The following AVEN variants were observed in gnomAD, a reference collection of about 807,000 sequenced individuals.
The protein encoded by AVEN is apoptosis and caspase activation inhibitor.
Under a neutral mutation model 38.1 loss-of-function variants are expected in AVEN, and 41 were observed. That is an observed-to-expected ratio of 1.08 (90% confidence interval 0.84 to 1.40). The LOEUF (loss-of-function observed/expected upper bound fraction) is 1.40. Ranked by LOEUF, AVEN falls within the 40% of genes most tolerant of loss-of-function variation. The pLI is 0.00. For missense variants in AVEN, 605 were observed against 438.8 expected (o/e 1.38, Z -3.38); for synonymous variants, 206 against 171.8 (o/e 1.20, Z -1.56).
chr15:34,006,725 A>G (rs1014484453), intron 1 of AVEN, among the ~76,000 whole-genome samples: 1 of 152,178 alleles, frequency 6.6e-6, no homozygotes, highest in Admixed American at 6.5e-5. Context: ...GGATCTCATT[A>G]CCCCTACACA....
downstream of AVEN, chr15:33,854,941 T>C (rs773211116): frequency 1.3e-6 from 2 of 1,590,722 alleles, no homozygotes; most frequent in Middle Eastern, 1.7e-4. Flanking sequence ...CAGAACAGAA[T>C]GGACCTGTAT....
intron 2 of AVEN, among the ~76,000 whole-genome samples, chr15:33,951,350 C>A (rs746047658): frequency 2.6e-5 from 4 of 151,452 alleles, no homozygotes; most frequent in Non-Finnish European, 4.4e-5. Flanking sequence ...ACATTATTCC[C>A]AGAACCAAAA....
chr15:34,031,227 T>C (rs749877847), intron 1 of AVEN, among the ~76,000 whole-genome samples: 14 of 127,274 alleles, frequency 1.1e-4, no homozygotes, highest in Middle Eastern at 5.6e-3. Flanking sequence ...CAGGCTGGAA[T>C]GCAATGGCGC....
At chr15:34,054,551 T>C (rs1900056121) in intron 5 of AVEN, among the ~76,000 whole-genome samples, 1 of 152,116 alleles carries the variant, frequency 6.6e-6, no homozygotes, top group South Asian at 2.1e-4. Flanking sequence ...TTGGAAGCTA[T>C]TACCCTGAGC....
chr15:33,905,936 T>C (rs1434781998), intron 2 of AVEN, among the ~76,000 whole-genome samples: 1 of 152,194 alleles, frequency 6.6e-6, no homozygotes, highest in Non-Finnish European at 1.5e-5. Context: ...CCTACTGTCT[T>C]CCCTATATTT....
intron 2 of AVEN, among the ~76,000 whole-genome samples, chr15:34,068,273 C>T (rs182405742): frequency 5.9e-5 from 9 of 151,472 alleles, no homozygotes; most frequent in Admixed American, 5.3e-4. Flanking sequence ...ACTCTGTCAT[C>T]CAGGCTGGAG....
intron 5 of AVEN, chr15:34,062,635 T>C: frequency 1.5e-6 from 2 of 1,310,958 alleles, no homozygotes; most frequent in Non-Finnish European, 2.1e-6. Flanking sequence ...TGTTTCCCTC[T>C]CTTCCAGATG....
At chr15:34,048,206 A>C (rs534038891) in intron 5 of AVEN, among the ~76,000 whole-genome samples, 10 of 152,318 alleles carry the variant, frequency 6.6e-5, no homozygotes, top group Non-Finnish European at 1.3e-4. Flanking sequence ...ACCCGGATCC[A>C]TTCCTCCTCA....
intron 2 of AVEN, among the ~76,000 whole-genome samples, chr15:33,975,363 C>T (rs540574975): frequency 7.2e-5 from 11 of 152,254 alleles, no homozygotes; most frequent in Admixed American, 4.6e-4. Context: ...GCACAGGTTG[C>T]GAAACAGTGC....
chr15:34,048,171 C>T (rs1401064360), intron 5 of AVEN, among the ~76,000 whole-genome samples: 3 of 152,206 alleles, frequency 2.0e-5, no homozygotes, highest in Non-Finnish European at 4.4e-5. Flanking sequence ...CCACCACACC[C>T]GGCCAGACTG....
At chr15:33,977,643 A>T (rs1195315861) in intron 2 of AVEN, among the ~76,000 whole-genome samples, 1 of 152,196 alleles carries the variant, frequency 6.6e-6, no homozygotes, top group East Asian at 1.9e-4. Context: ...TATGTCTGTG[A>T]AATTTTGAAC....
chr15:34,062,571 A>AAG (rs1555521304), intron 5 of AVEN: 8,536 of 666,928 alleles, frequency 0.013, 223 homozygotes, highest in African/African-American at 0.074. Context: ...AAAAAAAAAA[A>AAG]AAACTATAAA....
intron 2 of AVEN, among the ~76,000 whole-genome samples, chr15:33,886,694 C>A (rs551350258): frequency 6.6e-6 from 1 of 152,268 alleles, no homozygotes; most frequent in South Asian, 2.1e-4. Context: ...CTGAGGCTTC[C>A]GCAGCTCTGC....
At chr15:33,867,406 G>GAGGGATGTGT in intron 5 of AVEN, 89 bp downstream of exon 5, 1 of 1,478,708 alleles carries the variant, frequency 6.8e-7, no homozygotes, top group Non-Finnish European at 9.0e-7. Context: ...CAGACACCCA[G>GAGGGATGTGT]AGGGATGTGT....
chr15:33,984,046 A>C (rs8035294), intron 2 of AVEN, among the ~76,000 whole-genome samples: 44,423 of 151,848 alleles, frequency 0.29, 8,171 homozygotes, highest in African/African-American at 0.51. Context: ...GAAGAGACTA[A>C]GGAAATACAA....
At chr15:33,914,160 AC>A (rs35840258) in intron 2 of AVEN, among the ~76,000 whole-genome samples, 77,149 of 150,874 alleles carry the variant, frequency 0.51, 21,244 homozygotes, top group Middle Eastern at 0.63. Flanking sequence ...ATTTAATATA[AC>A]CCCCCCCCAA....
chr15:33,939,489 A>C lies in AVEN; in HGVS notation c.446-63494T>G, dbSNP rs565495593. On this transcript the variant is annotated intron_variant, in intron 2 of 5. Transcript: ENST00000306730. ...ATAAAATATATTTACAGAGAGACAG[A>C]TAATGAGCAACAGAGAAAGACAACT... 5.3e-4 allele frequency among the ~76,000 whole-genome samples: 81 copies of C among 152,234 alleles called. 1 individual carries two copies. Among genetic ancestry groups the C allele is most frequent in the Non-Finnish European group, 4.0e-4 (27 of 68,042 alleles).
chr15:33,931,349 CTTTTTTTT>C (rs71119903), intron 2 of AVEN, among the ~76,000 whole-genome samples: 29 of 89,258 alleles, frequency 3.2e-4, no homozygotes, highest in African/African-American at 1.3e-3. Context: ...TGAATATTTT[CTTTTTTTT>C]TTTTTTTTTT....
chr15:33,917,453 C>T (rs945599267), intron 2 of AVEN, among the ~76,000 whole-genome samples: 18 of 148,394 alleles, frequency 1.2e-4, no homozygotes, highest in African/African-American at 3.2e-4. Flanking sequence ...TATATACACA[C>T]ACACATATAT....
Sources: gnomAD v4.1 joint callset for allele counts (sites outside exome capture counted in the v4.1 genomes callset) on GRCh38, gnomAD v4.1.1 for gene constraint, MANE v1.5 for transcripts, NCBI Gene and HGNC (gene_info 2026-07-23, HGNC 2026-07-21) for gene names.